The following ZCCHC2 variants were observed in gnomAD, a reference collection of about 807,000 sequenced individuals.
The protein encoded by ZCCHC2 is zinc finger CCHC domain-containing protein 2.
ZCCHC2 carries 39 observed loss-of-function variants against 103.6 expected under a neutral mutation model. The ratio of observed to expected loss-of-function variants is 0.38; its 90% CI spans 0.29 to 0.49. The LOEUF is 0.49. ZCCHC2 is among the 20% of genes least tolerant of loss of function. The pLI, the probability that ZCCHC2 is intolerant of heterozygous loss-of-function variation, is 0.96. For missense variants in ZCCHC2, 1,483 were observed against 1,491.0 expected (o/e 0.99, Z 0.09); for synonymous variants, 687 against 608.9 (o/e 1.13, Z -1.89).
At chr18:62,538,327 T>G (rs1915022918) in intron 1 of ZCCHC2, among the ~76,000 whole-genome samples, 1 of 151,612 alleles carries the variant, frequency 6.6e-6, no homozygotes, top group Non-Finnish European at 1.5e-5. Context: ...TTAACACAAC[T>G]ATTTGAGAGG....
chr18:62,569,501 G>GA (rs146238632), intron 11 of ZCCHC2, among the ~76,000 whole-genome samples: 36 of 149,108 alleles, frequency 2.4e-4, no homozygotes, highest in Admixed American at 4.7e-4. Context: ...GCCACTACAG[G>GA]AAAAAAAAAA....
chr18:62,562,568 A>G (rs1916169845), intron 8 of ZCCHC2, among the ~76,000 whole-genome samples: 2 of 152,278 alleles, frequency 1.3e-5, no homozygotes, highest in South Asian at 4.1e-4. Flanking sequence ...CTGTTACCTG[A>G]AAGTCTGTGT....
At chr18:62,585,926 G>C (rs1272385655) in exon 15 of ZCCHC2, 1 of 152,202 alleles carries the variant, frequency 6.6e-6, no homozygotes, top group Non-Finnish European at 1.5e-5. Context: ...GAATGATTGG[G>C]TGACGGTGAG....
intron 1 of ZCCHC2, among the ~76,000 whole-genome samples, chr18:62,530,781 G>A (rs1391199633): frequency 2.0e-5 from 3 of 152,200 alleles, no homozygotes; most frequent in Admixed American, 2.0e-4. Context: ...TTGGGGATGG[G>A]AATGGAGAAA....
At chr18:62,556,086 A>G in intron 5 of ZCCHC2, 117 bp from the exon 6 acceptor site, 2 of 725,806 alleles carry the variant, frequency 2.8e-6, no homozygotes, top group East Asian at 2.7e-5. Flanking sequence ...CTATAGGAAA[A>G]ATATTTTTCC....
intron 5 of ZCCHC2, chr18:62,552,412 G>C (rs983377581): frequency 3.9e-5 from 6 of 152,280 alleles, no homozygotes; most frequent in Non-Finnish European, 8.8e-5. Context: ...TTAATCTCCT[G>C]ATATTGATTG....
At position 62,564,599 on chromosome 18, in the gene ZCCHC2, C is replaced by T; in HGVS notation, c.1715C>T (p.Ser572Leu). Residue 572 changes from serine (S) to leucine (L), a missense_variant, in exon 10 of 14, where the codon TCA (serine) becomes TTA (leucine). Physicochemically the swap from Ser to Leu is moderately radical, Grantham distance 145. This residue lies in a region of ZCCHC2 where 884 missense variants were observed against 907.5 expected (regional missense o/e 0.97). Transcript: ENST00000269499. ...QHSAEKRSLS[S>L]INKKKGKPQT... ...TCTGCTGAAAAACGGAGTTTATCTT[C>T]AATAAATAAGAAGAAAGGAAAGCCA... The T allele has an allele frequency of 6.5e-7, 1 of 1,542,794 alleles. No homozygotes were observed.
At chr18:62,541,509 A>T (rs1051515766) in intron 2 of ZCCHC2, among the ~76,000 whole-genome samples, 1 of 151,874 alleles carries the variant, frequency 6.6e-6, no homozygotes, top group Non-Finnish European at 1.5e-5. Flanking sequence ...AAATGAATGA[A>T]TGCCCCTTTT....
chr18:62,546,203 G>C (rs1296382228), intron 4 of ZCCHC2, among the ~76,000 whole-genome samples: 1 of 152,206 alleles, frequency 6.6e-6, no homozygotes, highest in East Asian at 1.9e-4. Context: ...ATAGGTCTGT[G>C]AGCTTCTGTC....
intron 1 of ZCCHC2, among the ~76,000 whole-genome samples, chr18:62,533,745 G>T (rs12958166): frequency 0.2 from 30,825 of 151,518 alleles, 3,603 homozygotes; most frequent in Non-Finnish European, 0.27. Flanking sequence ...GGTGGTGCAT[G>T]CCTATAATTC....
chr18:62,571,416 A>G (rs1916596236), intron 12 of ZCCHC2, among the ~76,000 whole-genome samples: 1 of 152,108 alleles, frequency 6.6e-6, no homozygotes, highest in Non-Finnish European at 1.5e-5. Context: ...ATGCCTTGAG[A>G]TTTTCTTTTC....
At chr18:62,538,844 TAATG>T (rs543266880) in intron 1 of ZCCHC2, among the ~76,000 whole-genome samples, 2 of 152,200 alleles carry the variant, frequency 1.3e-5, no homozygotes, top group Non-Finnish European at 2.9e-5. Flanking sequence ...AAAAAAATAT[TAATG>T]TATGTTTACT....
At chr18:62,579,828 T>G (rs1310492171), downstream of ZCCHC2, among the ~76,000 whole-genome samples, 1 of 152,162 alleles carries the variant, frequency 6.6e-6, no homozygotes, top group East Asian at 1.9e-4. Flanking sequence ...GTTCAAGTGA[T>G]TCTCCTGCCT....
At position 62,524,004 on chromosome 18, in the gene ZCCHC2, C is replaced by T. The variant is rs1393151039; in HGVS notation, c.580C>T (p.Leu194=). ...GGAGGCCGCTGGCCGTCTGCACCGC[C>T]TGCTACCCCAGGTGGACTCGGTGCT... ...NREAAGRLHR[L]LPQVDSVLKS... Residue 194 remains leucine, a synonymous_variant, in exon 1 of 14, where the codon CTG becomes TTG. Transcript: ENST00000269499. 10 of 1,485,268 alleles carry T rather than the reference C, an allele frequency of 6.7e-6. No individual in the cohort carries two copies. Among genetic ancestry groups the T allele is most frequent in the Non-Finnish European group, 8.9e-6 (10 of 1,125,256 alleles). 92.0% of individuals were successfully genotyped at this position (1,485,268 alleles called of 1,614,324 possible). A position where few individuals can be genotyped will look rare whatever the true frequency, so the allele number is the denominator to read the frequency against.
intron 1 of ZCCHC2, 101 bp from the exon 2 acceptor site, chr18:62,539,580 T>G (rs1287394760): frequency 1.3e-5 from 12 of 948,590 alleles, no homozygotes; most frequent in Non-Finnish European, 1.9e-5. Flanking sequence ...CTCTAAAAAT[T>G]GCCACTAAAA....
chr18:62,525,361 AGAGT>A lies in ZCCHC2; in HGVS notation c.939+1002_939+1005del, dbSNP rs1914335650. 2.0e-5 allele frequency: 3 copies of A among 152,076 alleles called. No homozygotes were observed. In the South Asian group the frequency reaches 6.2e-4, roughly 31 times the overall value. 9.4% of individuals were successfully genotyped at this position (152,076 alleles called of 1,614,324 possible). On this transcript the variant is annotated intron_variant, in intron 1 of 13. Transcript: ENST00000269499. Reference sequence around the variant, plus strand: ...GGAAGGTGGGGAGTAGGTTTCAGTAAGAGTGAGAACTGTAAAGTGAGATTATTTG... The same window carrying A: ...GGAAGGTGGGGAGTAGGTTTCAGTAAGAGAACTGTAAAGTGAGATTATTTG...
At chr18:62,573,848 T>C (rs1916687087) in intron 12 of ZCCHC2, among the ~76,000 whole-genome samples, 1 of 152,244 alleles carries the variant, frequency 6.6e-6, no homozygotes, top group Non-Finnish European at 1.5e-5. Flanking sequence ...GTTTTCTGTT[T>C]ATATCCCCGT....
intron 1 of ZCCHC2, among the ~76,000 whole-genome samples, chr18:62,538,358 C>G (rs1915024254): frequency 6.6e-6 from 1 of 151,070 alleles, no homozygotes; most frequent in African/African-American, 2.4e-5. Flanking sequence ...ACTTTATTTT[C>G]TTTGTTTTTT....
intron 1 of ZCCHC2, among the ~76,000 whole-genome samples, chr18:62,532,873 A>G (rs1250518871): frequency 6.6e-6 from 1 of 151,774 alleles, no homozygotes; most frequent in African/African-American, 2.4e-5. Context: ...CAGTCTCTAC[A>G]GAAAAATACA....
Sources: allele counts gnomAD v4.1 joint callset (sites outside exome capture counted in the v4.1 genomes callset), GRCh38; gene constraint gnomAD v4.1.1; regional missense constraint gnomAD v4.1.1; transcripts MANE v1.5; gene names NCBI Gene and HGNC (gene_info 2026-07-23, HGNC 2026-07-21).